Variants in JMJD1C observed in about 807,000 individuals in gnomAD.
JMJD1C encodes the protein jumonji domain-containing protein 1C.
Under a neutral mutation model 245.3 loss-of-function variants are expected in JMJD1C, and 31 were observed. The observed-to-expected ratio is 0.13, with a 90% CI of 0.09 to 0.17. The LOEUF (loss-of-function observed/expected upper bound fraction) is 0.17, where lower values mean the gene tolerates loss of function less well. Among genes scored for constraint, JMJD1C ranks in the 10% least tolerant of loss-of-function variants. The pLI is 1.00. For missense variants in JMJD1C, 2,691 were observed against 3,000.2 expected, an observed-to-expected ratio of 0.90 and a Z score of 2.41; for synonymous variants, 1,057 against 1,017.4, an observed-to-expected ratio of 1.04 and a Z score of -0.74.
intron 3 of JMJD1C, among the ~76,000 whole-genome samples, chr10:63,256,888 G>GT (rs1854011411): frequency 6.6e-6 from 1 of 152,210 alleles, no homozygotes. Flanking sequence ...AAGTCAGGGA[G>GT]TAACTGGGAA....
intron 2 of JMJD1C, among the ~76,000 whole-genome samples, chr10:63,375,489 G>A (rs1946660926): frequency 6.6e-6 from 1 of 151,404 alleles, no homozygotes; most frequent in Non-Finnish European, 1.5e-5. Flanking sequence ...GAAAACATAA[G>A]TAAAAAGACA....
chr10:63,281,265 G>C (rs1392878574), intron 2 of JMJD1C, among the ~76,000 whole-genome samples: 3 of 150,844 alleles, frequency 2.0e-5, no homozygotes, highest in Non-Finnish European at 4.4e-5. Context: ...CTCCCTAGTA[G>C]CTGAGATTAC....
chr10:63,427,476 C>A, intron 1 of JMJD1C: 1 of 1,223,148 alleles, frequency 8.2e-7, no homozygotes, highest in Non-Finnish European at 1.2e-6. Context: ...CCAAGACCAA[C>A]AGGATGTCCC....
chr10:63,335,384 C>T (rs1942618485), intron 2 of JMJD1C, among the ~76,000 whole-genome samples: 1 of 152,178 alleles, frequency 6.6e-6, no homozygotes. Context: ...TAAAGAAGTG[C>T]TTAATATTCC....
At chr10:63,378,382 G>A (rs1425348449) in intron 2 of JMJD1C, among the ~76,000 whole-genome samples, 1 of 152,082 alleles carries the variant, frequency 6.6e-6, no homozygotes, top group Admixed American at 6.5e-5. Flanking sequence ...ACGAGGTCAG[G>A]AGATCGAGAC....
At chr10:63,433,008 A>T (rs1247702870) in intron 1 of JMJD1C, among the ~76,000 whole-genome samples, 2 of 152,130 alleles carry the variant, frequency 1.3e-5, no homozygotes, top group Non-Finnish European at 2.9e-5. Context: ...CTGTCAACCT[A>T]CCATAGGTTA....
intron 1 of JMJD1C, among the ~76,000 whole-genome samples, chr10:63,432,528 G>A (rs3740331): frequency 0.42 from 63,964 of 151,978 alleles, 14,198 homozygotes; most frequent in South Asian, 0.53. Flanking sequence ...GACAACAACA[G>A]TATCAGCTAT....
At chr10:63,389,655 T>G (rs1947898837) in intron 1 of JMJD1C, among the ~76,000 whole-genome samples, 1 of 151,988 alleles carries the variant, frequency 6.6e-6, no homozygotes, top group Non-Finnish European at 1.5e-5. Flanking sequence ...TGGACACAAA[T>G]AGAGTCTCAA....
intron 1 of JMJD1C, among the ~76,000 whole-genome samples, chr10:63,417,340 C>T (rs1406807155): frequency 6.6e-6 from 1 of 152,116 alleles, no homozygotes; most frequent in African/African-American, 2.4e-5. Context: ...ACTTAAAATG[C>T]TTTTTCCTTC....
chr10:63,200,431 C>G (rs763704747), intron 11 of JMJD1C, 45 bp downstream of exon 11: 1 of 1,443,654 alleles, frequency 6.9e-7, no homozygotes, highest in East Asian at 2.3e-5. Context: ...TTTCCAATAT[C>G]AAATCAATAA....
intron 1 of JMJD1C, among the ~76,000 whole-genome samples, chr10:63,442,317 G>A (rs1437660829): frequency 1.3e-5 from 2 of 152,082 alleles, no homozygotes; most frequent in African/African-American, 4.8e-5. Flanking sequence ...GGATACCAGA[G>A]AACTTACAAT....
At chr10:63,242,514 G>A (rs570754851) in intron 3 of JMJD1C, among the ~76,000 whole-genome samples, 26 of 152,282 alleles carry the variant, frequency 1.7e-4, no homozygotes, top group African/African-American at 6.3e-4. Flanking sequence ...CTGAGGTCAG[G>A]AGTCTGACAC....
intron 1 of JMJD1C, among the ~76,000 whole-genome samples, chr10:63,494,186 C>A (rs969514152): frequency 2.6e-5 from 4 of 152,098 alleles, no homozygotes; most frequent in African/African-American, 9.7e-5. Context: ...TGGCACATGC[C>A]TGTAATCCCA....
chr10:63,392,872 AC>A (rs1221942776), intron 1 of JMJD1C, among the ~76,000 whole-genome samples: 6 of 103,292 alleles, frequency 5.8e-5, no homozygotes, highest in African/African-American at 1.8e-4. Context: ...ACATAAACAC[AC>A]ACACACACAC....
At position 63,446,488 on chromosome 10, in the gene JMJD1C, G is replaced by A. The variant is rs147505676; in HGVS notation, c.168+19007C>T. On this transcript the variant is annotated intron_variant, in intron 1 of 25. Coordinates refer to ENST00000399262, the MANE Select transcript of JMJD1C (RefSeq NM_032776.3). ...ATATAGAAGTCTCCAGCATATAGAT[G>A]GTATTAAAGGTTATAGGAATAGATG... Among the ~76,000 whole-genome samples, 5 of 152,230 alleles carry A rather than the reference G, an allele frequency of 3.3e-5. No homozygotes were observed. The East Asian group carries it at 7.7e-4, about 24-fold the overall frequency.
At chr10:63,328,068 A>G (rs965727233) in intron 2 of JMJD1C, among the ~76,000 whole-genome samples, 1 of 152,014 alleles carries the variant, frequency 6.6e-6, no homozygotes, top group Non-Finnish European at 1.5e-5. Flanking sequence ...TGAGGTCGGG[A>G]GTTTGAGGCC....
chr10:63,279,757 A>G (rs1313658072), intron 2 of JMJD1C, among the ~76,000 whole-genome samples: 1 of 152,238 alleles, frequency 6.6e-6, no homozygotes, highest in African/African-American at 2.4e-5. Flanking sequence ...CCCTGCCTCT[A>G]AATTAATTAA....
At chr10:63,428,068 T>A in intron 1 of JMJD1C, 1 of 501,190 alleles carries the variant, frequency 2.0e-6, no homozygotes, top group Non-Finnish European at 3.6e-6. Flanking sequence ...ACAACACACA[T>A]ATATATATAT....
chr10:63,297,707 C>CA (rs1859611674), intron 2 of JMJD1C, among the ~76,000 whole-genome samples: 1 of 152,190 alleles, frequency 6.6e-6, no homozygotes, highest in Non-Finnish European at 1.5e-5. Flanking sequence ...GTAGCCACCC[C>CA]ATGGGATGGG....
Sources: gnomAD v4.1 joint callset for allele counts (sites outside exome capture counted in the v4.1 genomes callset) on GRCh38, gnomAD v4.1.1 for gene constraint, MANE v1.5 for transcripts, NCBI Gene and HGNC (gene_info 2026-07-23, HGNC 2026-07-21) for gene names.